The following TMEM117 variants were observed in gnomAD, a reference collection of about 807,000 sequenced individuals.
The protein encoded by TMEM117 is transmembrane protein 117.
TMEM117 carries 27 observed loss-of-function variants against 52.4 expected under a neutral mutation model. That is an observed-to-expected ratio of 0.51 (90% CI 0.38 to 0.71). The LOEUF is 0.71. Among genes scored for constraint, TMEM117 ranks in the 30% least tolerant of loss-of-function variants. TMEM117 has a pLI of 0.00. For synonymous variants in TMEM117, 215 were observed against 206.3 expected (o/e 1.04, Z -0.36); for missense variants, 556 against 630.5 (o/e 0.88, Z 1.26).
At chr12:44,332,758 C>T (rs879599234) in intron 6 of TMEM117, among the ~76,000 whole-genome samples, 16 of 151,164 alleles carry the variant, frequency 1.1e-4, no homozygotes, top group Admixed American at 9.9e-4. Context: ...CAGACACACA[C>T]ACCCCTACAC....
chr12:44,264,211 T>G (rs1258293433), intron 5 of TMEM117, among the ~76,000 whole-genome samples: 2 of 152,194 alleles, frequency 1.3e-5, no homozygotes, highest in Non-Finnish European at 2.9e-5. Flanking sequence ...TTTTTCATCT[T>G]TGTTGTTTAC....
intron 3 of TMEM117, among the ~76,000 whole-genome samples, chr12:44,055,660 T>C (rs1242052305): frequency 6.6e-6 from 1 of 152,180 alleles, no homozygotes; most frequent in Admixed American, 6.6e-5. Flanking sequence ...CATTTTCTTA[T>C]AGGGTTAAAA....
rs567079111 is a variant in TMEM117, at chr12:44,061,845, AG to A, written c.411-81678del. Among the ~76,000 whole-genome samples, 460 of 152,266 alleles carry A rather than the reference AG, an allele frequency of 3.0e-3. 3 individuals carry two copies. The highest frequency in any genetic ancestry group is 0.011 in the African/African-American group (447 of 41,556). On this transcript the variant is annotated intron_variant, in intron 3 of 7. Coordinates refer to ENST00000266534, the MANE Select transcript of TMEM117 (RefSeq NM_032256.3). ...AAAACAATAGGGAGTGAGAGACTAA[AG>A]GTTCAAAAGTGAGATTAGATGGACT... is the stretch of plus-strand genomic sequence containing the variant.
intron 6 of TMEM117, among the ~76,000 whole-genome samples, chr12:44,351,570 G>GCA (rs1232291021): frequency 2.6e-5 from 4 of 151,868 alleles, no homozygotes; most frequent in African/African-American, 9.7e-5. Flanking sequence ...TCATTCTTCT[G>GCA]CATATGGACA....
chr12:44,032,083 G>GTAT (rs1170662187), intron 3 of TMEM117, among the ~76,000 whole-genome samples: 2 of 152,106 alleles, frequency 1.3e-5, no homozygotes, highest in African/African-American at 4.8e-5. Flanking sequence ...CAACTCATAG[G>GTAT]TATTTGATGG....
At chr12:44,252,153 C>T (rs764223204) in intron 5 of TMEM117, among the ~76,000 whole-genome samples, 18 of 152,208 alleles carry the variant, frequency 1.2e-4, no homozygotes, top group Non-Finnish European at 2.2e-4. Flanking sequence ...CATGCTCTAC[C>T]CTTGCCTACA....
At chr12:44,358,980 G>A (rs1951687347) in intron 6 of TMEM117, among the ~76,000 whole-genome samples, 1 of 152,126 alleles carries the variant, frequency 6.6e-6, no homozygotes, top group African/African-American at 2.4e-5. Flanking sequence ...TCTCTAAGGA[G>A]CATAAAGTGC....
chr12:44,375,021 C>CATT (rs200123553), intron 6 of TMEM117, among the ~76,000 whole-genome samples: 4 of 151,602 alleles, frequency 2.6e-5, no homozygotes, highest in East Asian at 1.9e-4. Flanking sequence ...TTATTATTAT[C>CATT]ATTATTATTA....
At chr12:44,043,625 T>G (rs1946835338) in intron 3 of TMEM117, among the ~76,000 whole-genome samples, 1 of 152,158 alleles carries the variant, frequency 6.6e-6, no homozygotes, top group South Asian at 2.1e-4. Context: ...CTGAGCCTGT[T>G]TCCAGGCAAA....
chr12:44,091,403 C>T (rs1947669401), intron 3 of TMEM117, among the ~76,000 whole-genome samples: 1 of 152,152 alleles, frequency 6.6e-6, no homozygotes, highest in South Asian at 2.1e-4. Flanking sequence ...AGCCTGCCAA[C>T]ATAGCACTCA....
rs114573038 is a variant in TMEM117, at chr12:44,016,330, G to A, written c.410+71988G>A. Among the ~76,000 whole-genome samples the A allele has an allele frequency of 5.1e-3, 771 of 152,252 alleles. 8 individuals are homozygous for A. The highest frequency in any genetic ancestry group is 0.018 in the African/African-American group (729 of 41,546). ...GTTCCAAGCTAGCAAGGGTAATTTA[G>A]CACTGTTTGCTTGCAGACCTAACTT... On this transcript the variant is annotated intron_variant, in intron 3 of 7. Transcript: ENST00000266534.
intron 3 of TMEM117, among the ~76,000 whole-genome samples, chr12:44,105,784 T>A (rs552132503): frequency 6.6e-5 from 10 of 152,102 alleles, no homozygotes; most frequent in African/African-American, 2.2e-4. Context: ...CCCAATAAGG[T>A]TAGGCATCAT....
At chr12:44,176,281 G>C (rs1949115300) in intron 4 of TMEM117, among the ~76,000 whole-genome samples, 1 of 152,062 alleles carries the variant, frequency 6.6e-6, no homozygotes, top group Admixed American at 6.6e-5. Context: ...TTCATTCTTT[G>C]TTTTATACCC....
Position 44,024,396 on chromosome 12 carries a change from A to G in TMEM117, c.410+80054A>G, listed in dbSNP as rs150702564. Among the ~76,000 whole-genome samples, 542 of 152,300 alleles carry G rather than the reference A, an allele frequency of 3.6e-3. 9 individuals carry two copies. Among genetic ancestry groups the G allele is most frequent in the Non-Finnish European group, 2.0e-3 (137 of 68,028 alleles). ...GAAAGGGAGCAGTCCTCACCGTTAC[A>G]GTACTTATTTCTGTGATGAGTGGTA... On this transcript the variant is annotated intron_variant, in intron 3 of 7. Coordinates refer to ENST00000266534, the MANE Select transcript of TMEM117 (RefSeq NM_032256.3).
chr12:44,282,855 C>T (rs1023232979), intron 5 of TMEM117, among the ~76,000 whole-genome samples: 1 of 152,228 alleles, frequency 6.6e-6, no homozygotes, highest in South Asian at 2.1e-4. Context: ...ATCACAGGTC[C>T]GGAAGCCCAG....
chr12:44,037,339 C>T (rs116788397), intron 3 of TMEM117, among the ~76,000 whole-genome samples: 2,608 of 152,292 alleles, frequency 0.017, 38 homozygotes, highest in Middle Eastern at 0.058. Context: ...GCTCCTGCTG[C>T]CTGGCCTCTC....
chr12:44,141,759 C>T (rs1406565618), intron 3 of TMEM117, among the ~76,000 whole-genome samples: 1 of 152,074 alleles, frequency 6.6e-6, no homozygotes, highest in Non-Finnish European at 1.5e-5. Context: ...TGGTGCTACA[C>T]CAAGTTGTCC....
intron 3 of TMEM117, among the ~76,000 whole-genome samples, chr12:44,038,947 T>C (rs1194823953): frequency 1.3e-5 from 2 of 152,234 alleles, no homozygotes; most frequent in African/African-American, 2.4e-5. Context: ...GTTACTCTTA[T>C]TTCATCAAAC....
intron 5 of TMEM117, among the ~76,000 whole-genome samples, chr12:44,237,280 T>G (rs954102763): frequency 1.6e-4 from 24 of 152,144 alleles, no homozygotes; most frequent in African/African-American, 5.3e-4. Flanking sequence ...ATTTCTTCAG[T>G]AAAGGCTTCT....
Sources: gnomAD v4.1 joint callset for allele counts (sites outside exome capture counted in the v4.1 genomes callset) on GRCh38, gnomAD v4.1.1 for gene constraint, MANE v1.5 for transcripts, NCBI Gene and HGNC (gene_info 2026-07-23, HGNC 2026-07-21) for gene names.